MTHFD1L: variants seen among roughly 807,000 people sequenced by gnomAD.
MTHFD1L encodes monofunctional C1-tetrahydrofolate synthase, mitochondrial.
MTHFD1L carries 81 observed loss-of-function variants against 119.5 expected under a neutral mutation model. The observed-to-expected ratio is 0.68, with a 90% confidence interval of 0.57 to 0.82. The LOEUF is 0.82. Among genes scored for constraint, MTHFD1L ranks in the 40% least tolerant of loss-of-function variants. The pLI is 0.00. For synonymous variants in MTHFD1L, 430 were observed against 475.2 expected, an observed-to-expected ratio of 0.90 and a Z score of 1.24; for missense variants, 1,125 against 1,253.4, an observed-to-expected ratio of 0.90 and a Z score of 1.55.
At chr6:151,079,051 G>A (rs902195974) in intron 26 of MTHFD1L, among the ~76,000 whole-genome samples, 3 of 152,126 alleles carry the variant, frequency 2.0e-5, no homozygotes, top group Middle Eastern at 3.2e-3. Context: ...CAGCCAGTGT[G>A]GTGGTATGTG....
intron 5 of MTHFD1L, among the ~76,000 whole-genome samples, chr6:150,884,803 G>T (rs997929643): frequency 6.6e-6 from 1 of 152,124 alleles, no homozygotes; most frequent in African/African-American, 2.4e-5. Flanking sequence ...GAAGTGTGTG[G>T]TCACTCATTT....
At chr6:150,947,501 A>G (rs1273888961) in intron 15 of MTHFD1L, among the ~76,000 whole-genome samples, 1 of 152,010 alleles carries the variant, frequency 6.6e-6, no homozygotes, top group African/African-American at 2.4e-5. Context: ...GGAGGCCAAG[A>G]CAAGAGGATT....
chr6:151,062,423 G>A (rs149969729), intron 26 of MTHFD1L, among the ~76,000 whole-genome samples: 1 of 152,028 alleles, frequency 6.6e-6, no homozygotes, highest in African/African-American at 2.4e-5. Flanking sequence ...GGAGAACAGA[G>A]ACTCCATCTC....
chr6:150,933,369 C>G lies in MTHFD1L; in HGVS notation c.1257-3435C>G, dbSNP rs143695312. Among the ~76,000 whole-genome samples, 67 of 152,188 alleles carry G rather than the reference C, an allele frequency of 4.4e-4. No individual in the cohort carries two copies. In the East Asian group the frequency reaches 0.012, roughly 27 times the overall value. On this transcript the variant is annotated intron_variant, in intron 11 of 27. Transcript: ENST00000367321. ...TGATGCCACAGTTTCTTTACAGGCTCTTCTAAGATTGTAATGCCTGTGGGC... is the reference window on the plus strand; with the variant it reads ...TGATGCCACAGTTTCTTTACAGGCTGTTCTAAGATTGTAATGCCTGTGGGC...
chr6:151,041,220 CT>C (rs1316703253), intron 26 of MTHFD1L, among the ~76,000 whole-genome samples: 19 of 152,230 alleles, frequency 1.2e-4, no homozygotes, highest in Non-Finnish European at 2.1e-4. Context: ...GAGCAGGAAG[CT>C]GCATGTGTAG....
At position 150,956,019 on chromosome 6, in the gene MTHFD1L, T is replaced by C; in HGVS notation, c.1751T>C (p.Leu584Pro). Residue 584 changes from leucine (L) to proline (P), a missense_variant, in exon 17 of 28, where the codon CTA becomes CCA. Leu to Pro is a moderately conservative substitution (Grantham distance 98). Around this residue, in one of 3 missense-constraint regions of MTHFD1L, gnomAD observed 1,058 missense variants for 1,151.2 expected, o/e 0.92. Transcript: ENST00000367321. Reference sequence around the variant, plus strand: ...GTATTGGATACAAATGACCGATTTCTACGAAAAATAACCATCGGGCAGGGA... The same window carrying C: ...GTATTGGATACAAATGACCGATTTCCACGAAAAATAACCATCGGGCAGGGA... Reference protein sequence around the residue: ...QRVLDTNDRFLRKITIGQGNT... With the variant: ...QRVLDTNDRFPRKITIGQGNT... 1 of 1,614,146 alleles carries C rather than the reference T, an allele frequency of 6.2e-7. No individual in the cohort carries two copies. The highest frequency in any genetic ancestry group is 8.5e-7 in the Non-Finnish European group (1 of 1,179,974).
intron 7 of MTHFD1L, among the ~76,000 whole-genome samples, chr6:150,890,170 T>A (rs1242413215): frequency 1.3e-5 from 2 of 151,120 alleles, no homozygotes; most frequent in African/African-American, 2.4e-5. Flanking sequence ...AAAATAATAA[T>A]AAAAAGTGTA....
chr6:151,075,095 A>G (rs1273951854), intron 26 of MTHFD1L, among the ~76,000 whole-genome samples: 2 of 152,224 alleles, frequency 1.3e-5, no homozygotes, highest in Admixed American at 6.5e-5. Context: ...AAAAAGGAAC[A>G]AAGAACAGAT....
intron 1 of MTHFD1L, among the ~76,000 whole-genome samples, chr6:150,873,181 G>A (rs1016501367): frequency 3.3e-5 from 5 of 152,016 alleles, no homozygotes; most frequent in African/African-American, 9.7e-5. Flanking sequence ...GGGACGTGGT[G>A]GCATGCACCA....
In MTHFD1L at chr6:151,101,800, G is replaced by A. The variant is rs7543; in HGVS notation, c.*306G>A. ...TTATTTTATGGGGACTAAGGGATTA[G>A]GAGTGTGAACTAAAAGGTAACATTT... On this transcript the variant is annotated 3_prime_UTR_variant, in exon 28 of 28. Transcript: ENST00000367321. 56,925 of 152,132 alleles carry A rather than the reference G, an allele frequency of 0.37. 10,784 individuals are homozygous for A. The highest frequency in any genetic ancestry group is 0.49 in the Middle Eastern group (145 of 294). The allele number at this position is 152,132 out of a possible 1,614,324, so 9.4% of individuals were successfully genotyped here.
At chr6:150,972,986 A>G (rs886408046) in intron 20 of MTHFD1L, among the ~76,000 whole-genome samples, 6 of 152,202 alleles carry the variant, frequency 3.9e-5, no homozygotes, top group Admixed American at 1.3e-4. Context: ...CACCCACAAT[A>G]CTAAGGCAGC....
chr6:150,983,093 G>A (rs915495780), intron 20 of MTHFD1L, among the ~76,000 whole-genome samples: 16 of 152,072 alleles, frequency 1.1e-4, no homozygotes, highest in Non-Finnish European at 2.2e-4. Context: ...CTGTTTCTGG[G>A]CATTTGTGAA....
intron 26 of MTHFD1L, among the ~76,000 whole-genome samples, chr6:151,083,509 T>C (rs1402274666): frequency 6.6e-6 from 1 of 152,208 alleles, no homozygotes; most frequent in Non-Finnish European, 1.5e-5. Context: ...AATAAGTTTA[T>C]ACCCTTGTAG....
chr6:151,080,676 A>G (rs1381785308), intron 26 of MTHFD1L, among the ~76,000 whole-genome samples: 1 of 152,250 alleles, frequency 6.6e-6, no homozygotes, highest in Non-Finnish European at 1.5e-5. Flanking sequence ...GGTGGCTTCA[A>G]CAACAGAAGT....
intron 17 of MTHFD1L, among the ~76,000 whole-genome samples, chr6:150,956,994 G>A (rs1795743153): frequency 6.6e-6 from 1 of 152,146 alleles, no homozygotes; most frequent in South Asian, 2.1e-4. Context: ...AGATAGTTCT[G>A]AAAAATAGGA....
chr6:150,976,231 G>A (rs540152573), intron 20 of MTHFD1L, among the ~76,000 whole-genome samples: 15 of 152,182 alleles, frequency 9.9e-5, no homozygotes, highest in African/African-American at 3.1e-4. Flanking sequence ...AAGCAGCTTC[G>A]CATGCTCTTC....
intron 26 of MTHFD1L, chr6:151,041,726 C>T (rs774448599): frequency 2.8e-5 from 14 of 496,498 alleles, no homozygotes; most frequent in Non-Finnish European, 4.9e-5. Flanking sequence ...GCACAGAATG[C>T]GGCGGGCTTT....
At chr6:150,908,064 ATT>A (rs577851058) in intron 8 of MTHFD1L, among the ~76,000 whole-genome samples, 14 of 136,624 alleles carry the variant, frequency 1.0e-4, no homozygotes, top group African/African-American at 1.6e-4. Context: ...CGCCTGGCCA[ATT>A]TTTTTTTTTT....
At chr6:150,946,608 C>A (rs752760904) in intron 15 of MTHFD1L, among the ~76,000 whole-genome samples, 2 of 152,094 alleles carry the variant, frequency 1.3e-5, no homozygotes, top group Non-Finnish European at 2.9e-5. Flanking sequence ...TAAAAAATAA[C>A]CCTAAATGGT....
Sources: gnomAD v4.1 joint callset for allele counts (sites outside exome capture counted in the v4.1 genomes callset) on GRCh38, gnomAD v4.1.1 for gene constraint, gnomAD v4.1.1 regional missense constraint, MANE v1.5 for transcripts, NCBI Gene and HGNC (gene_info 2026-07-23, HGNC 2026-07-21) for gene names.